RBFOX1: variants seen among roughly 807,000 people sequenced by gnomAD.
RBFOX1 encodes the protein RNA binding fox-1 homolog 1, also known as RNA binding protein fox-1 homolog 1.
RBFOX1 carries 8 observed loss-of-function variants against 57.7 expected under a neutral mutation model. The ratio of observed to expected loss-of-function variants is 0.14; its 90% CI spans 0.08 to 0.25. The LOEUF (loss-of-function observed/expected upper bound fraction) is 0.25. Among genes scored for constraint, RBFOX1 ranks in the 10% least tolerant of loss-of-function variants. The pLI is 1.00. For synonymous variants in RBFOX1, 326 were observed against 222.4 expected (o/e 1.47, Z -4.15); for missense variants, 611 against 548.5 (o/e 1.11, Z -1.14).
intron 1 of RBFOX1, among the ~76,000 whole-genome samples, chr16:6,292,785 G>A (rs17221152): frequency 0.2 from 29,771 of 152,134 alleles, 3,078 homozygotes; most frequent in African/African-American, 0.21. Flanking sequence ...GGTGTAAAAA[G>A]AGTTGCCTGA....
chr16:5,900,236 TC>T (rs1466384109), intron 4 of RBFOX1, among the ~76,000 whole-genome samples: 1 of 152,214 alleles, frequency 6.6e-6, no homozygotes, highest in East Asian at 1.9e-4. Flanking sequence ...TCTTGCTTTG[TC>T]ATTGTGGCAT....
intron 1 of RBFOX1, among the ~76,000 whole-genome samples, chr16:5,388,997 T>C (rs935706871): frequency 2.6e-5 from 4 of 151,434 alleles, no homozygotes; most frequent in South Asian, 2.1e-4. Context: ...CGAGACCATC[T>C]TGGCTAACAC....
chr16:6,211,997 A>C (rs1444440396), intron 1 of RBFOX1, among the ~76,000 whole-genome samples: 1 of 152,018 alleles, frequency 6.6e-6, no homozygotes, highest in Non-Finnish European at 1.5e-5. Flanking sequence ...TTACAGGCAC[A>C]CAGCGCCATG....
intron 4 of RBFOX1, among the ~76,000 whole-genome samples, chr16:5,987,514 T>G (rs1282939841): frequency 1.3e-5 from 2 of 152,168 alleles, no homozygotes; most frequent in African/African-American, 4.8e-5. Context: ...ATTTTACACT[T>G]AAGGTTGTGA....
intron 3 of RBFOX1, among the ~76,000 whole-genome samples, chr16:6,831,053 T>C (rs1360494989): frequency 6.6e-6 from 1 of 152,250 alleles, no homozygotes; most frequent in Non-Finnish European, 1.5e-5. Flanking sequence ...CTTTTTGCTC[T>C]AATCAAATGT....
intron 2 of RBFOX1, among the ~76,000 whole-genome samples, chr16:6,477,046 A>G (rs1306056579): frequency 1.3e-5 from 2 of 152,128 alleles, no homozygotes; most frequent in Non-Finnish European, 2.9e-5. Context: ...TTCAGGCTCC[A>G]CTTGTAATTC....
intron 3 of RBFOX1, among the ~76,000 whole-genome samples, chr16:5,765,375 CAT>C (rs2053739676): frequency 6.6e-6 from 1 of 152,156 alleles, no homozygotes; most frequent in Non-Finnish European, 1.5e-5. Flanking sequence ...TTTCAATACA[CAT>C]GTCTTTGGAG....
At chr16:7,251,777 A>G (rs886766859) in intron 4 of RBFOX1, among the ~76,000 whole-genome samples, 6 of 152,170 alleles carry the variant, frequency 3.9e-5, no homozygotes, top group African/African-American at 1.4e-4. Context: ...GCTATAGTGA[A>G]TAATGCTGCA....
intron 3 of RBFOX1, among the ~76,000 whole-genome samples, chr16:6,969,267 T>G (rs2153565347): frequency 6.6e-6 from 1 of 152,258 alleles, no homozygotes; most frequent in South Asian, 2.1e-4. Context: ...GATTATGGAT[T>G]TTAAAAATGC....
intron 3 of RBFOX1, among the ~76,000 whole-genome samples, chr16:5,678,620 A>G (rs2050238674): frequency 6.6e-6 from 1 of 152,084 alleles, no homozygotes; most frequent in Non-Finnish European, 1.5e-5. Flanking sequence ...AGCCCGTCCC[A>G]CAGGAATCTA....
intron 4 of RBFOX1, among the ~76,000 whole-genome samples, chr16:7,054,232 G>GTTT (rs2051202151): frequency 3.1e-5 from 1 of 32,700 alleles, no homozygotes. Flanking sequence ...GGGGCGGGGA[G>GTTT]CTTTTTTTTT....
intron 2 of RBFOX1, among the ~76,000 whole-genome samples, chr16:6,585,109 G>T (rs1408347610): frequency 1.3e-5 from 2 of 152,050 alleles, no homozygotes; most frequent in African/African-American, 4.8e-5. Context: ...AATACACAAT[G>T]GTTAGCATTT....
At chr16:5,825,098 T>C (rs924417144) in intron 3 of RBFOX1, among the ~76,000 whole-genome samples, 3 of 152,226 alleles carry the variant, frequency 2.0e-5, no homozygotes, top group Non-Finnish European at 4.4e-5. Flanking sequence ...CAGGAAGGAA[T>C]TGGAGGTGGT....
rs1159590 is a variant in RBFOX1 at position 7,171,356 on chromosome 16, G to T, written c.27+119258G>T. On this transcript the variant is annotated intron_variant, in intron 4 of 15. Transcript: ENST00000550418. ...GGGTTCAGTGGGAAAATGCTTAGCTGAGCACTTGACACATAGTATTTTCTT... is the reference window on the plus strand; with the variant it reads ...GGGTTCAGTGGGAAAATGCTTAGCTTAGCACTTGACACATAGTATTTTCTT... Among the ~76,000 whole-genome samples, 292 of 152,298 alleles carry T rather than the reference G, an allele frequency of 1.9e-3. 1 individual carries two copies. The highest frequency in any genetic ancestry group is 6.7e-3 in the African/African-American group (280 of 41,556).
chr16:6,740,525 A>G (rs1198216097), intron 3 of RBFOX1, among the ~76,000 whole-genome samples: 1 of 152,232 alleles, frequency 6.6e-6, no homozygotes, highest in Non-Finnish European at 1.5e-5. Flanking sequence ...TTGTGGACTG[A>G]CAAGTTAGCT....
intron 4 of RBFOX1, among the ~76,000 whole-genome samples, chr16:7,163,510 C>T (rs2078821110): frequency 1.3e-5 from 2 of 152,184 alleles, no homozygotes; most frequent in South Asian, 2.1e-4. Flanking sequence ...CTTCTGTTCC[C>T]GTTAGCACTC....
At position 5,313,551 on chromosome 16, in the gene RBFOX1, G is replaced by T. The variant is rs2064149097; in HGVS notation, c.219+73446G>T. On this transcript the variant is annotated intron_variant, in intron 1 of 2. Coordinates refer to the RBFOX1 transcript ENST00000585867. The stretch of plus-strand genomic sequence containing the variant: ...GCTGATAAAGACTTACCCGAGACTG[G>T]GAAGAGAAAGAGGTTTAATGGACTT... Among the ~76,000 whole-genome samples, 3 of 152,094 alleles carry T rather than the reference G, an allele frequency of 2.0e-5. No individual in the cohort carries two copies. The South Asian group carries it at 6.2e-4, about 32-fold the overall frequency.
chr16:5,347,679 A>G (rs1236729870), intron 1 of RBFOX1, among the ~76,000 whole-genome samples: 2 of 142,470 alleles, frequency 1.4e-5, no homozygotes, highest in East Asian at 2.1e-4. Context: ...CTTTCACTCA[A>G]TCATGCACTC....
At chr16:6,133,063 C>T (rs1243964547) in intron 1 of RBFOX1, among the ~76,000 whole-genome samples, 5 of 150,604 alleles carry the variant, frequency 3.3e-5, no homozygotes, top group South Asian at 2.1e-4. Flanking sequence ...TGAGAGACTG[C>T]CTCAAAGGAT....
Sources: gnomAD v4.1 joint callset for allele counts (sites outside exome capture counted in the v4.1 genomes callset) on GRCh38, gnomAD v4.1.1 for gene constraint, MANE v1.5 for transcripts, NCBI Gene and HGNC (gene_info 2026-07-23, HGNC 2026-07-21) for gene names.